TPO: variants seen among roughly 807,000 people sequenced by gnomAD.
The protein encoded by TPO is thyroid peroxidase, also known as thyroid microsomal antigen.
Under a neutral mutation model 96.9 loss-of-function variants are expected in TPO, and 78 were observed. The observed-to-expected ratio is 0.81, with a 90% CI of 0.67 to 0.97. The LOEUF is 0.97. TPO is among the 50% of genes least tolerant of loss of function. The pLI is 0.00. For synonymous variants in TPO, 547 were observed against 538.0 expected, an observed-to-expected ratio of 1.02 and a Z score of -0.23; for missense variants, 1,252 against 1,274.8, an observed-to-expected ratio of 0.98 and a Z score of 0.27.
At chr2:1,523,096 A>G (rs979154952) in intron 15 of TPO, among the ~76,000 whole-genome samples, 2 of 139,482 alleles carry the variant, frequency 1.4e-5, no homozygotes, top group Non-Finnish European at 3.1e-5. Context: ...AACCTCCCCA[A>G]ATCCTGCGCA....
intron 15 of TPO, among the ~76,000 whole-genome samples, chr2:1,522,578 G>A (rs1675433246): frequency 6.6e-6 from 1 of 152,020 alleles, no homozygotes; most frequent in Non-Finnish European, 1.5e-5. Flanking sequence ...ACCGTGTGAT[G>A]CCCAGCCATT....
chr2:1,460,071 G>A (rs1393261092), intron 7 of TPO, among the ~76,000 whole-genome samples: 1 of 152,088 alleles, frequency 6.6e-6, no homozygotes, highest in Non-Finnish European at 1.5e-5. Flanking sequence ...GAGTAGCTGG[G>A]ACTACAGGCA....
At chr2:1,382,728 A>G (rs1271186880) in intron 1 of TPO, among the ~76,000 whole-genome samples, 1 of 151,976 alleles carries the variant, frequency 6.6e-6, no homozygotes, top group Non-Finnish European at 1.5e-5. Context: ...TTTTTTTAAT[A>G]TATATATTTT....
At chr2:1,483,601 A>C (rs1299493705) in intron 8 of TPO, among the ~76,000 whole-genome samples, 1 of 152,226 alleles carries the variant, frequency 6.6e-6, no homozygotes, top group Non-Finnish European at 1.5e-5. Context: ...TGCACGATGA[A>C]GTCGTGCAAC....
chr2:1,382,240 G>A (rs918803801), intron 1 of TPO, among the ~76,000 whole-genome samples: 2 of 152,114 alleles, frequency 1.3e-5, no homozygotes, highest in East Asian at 1.9e-4. Context: ...TGGCTTCTGC[G>A]GCAAACAGCT....
At chr2:1,524,127 A>ACTCTGTGCAACCTCCCCAAATC (rs1675850700) in intron 15 of TPO, among the ~76,000 whole-genome samples, 1 of 27,750 alleles carries the variant, frequency 3.6e-5, no homozygotes, top group Non-Finnish European at 7.4e-5. Context: ...CTCCCCAAAT[A>ACTCTGTGCAACCTCCCCAAATC]CCCCCAACTC....
intron 15 of TPO, among the ~76,000 whole-genome samples, chr2:1,526,686 A>T (rs1676583669): frequency 1.5e-5 from 1 of 68,036 alleles, no homozygotes; most frequent in African/African-American, 6.5e-5. Flanking sequence ...ATCCTCCCCA[A>T]ATCCCCCCCC....
intron 7 of TPO, among the ~76,000 whole-genome samples, chr2:1,475,629 T>C (rs544546101): frequency 6.6e-6 from 1 of 152,184 alleles, no homozygotes; most frequent in Admixed American, 6.5e-5. Flanking sequence ...TTCACTGTGT[T>C]AGCCAGGATG....
At chr2:1,425,597 T>C (rs1664283100) in intron 3 of TPO, among the ~76,000 whole-genome samples, 2 of 152,206 alleles carry the variant, frequency 1.3e-5, no homozygotes, top group Admixed American at 6.5e-5. Context: ...GCAGTCATTG[T>C]TCTAGATGCC....
At chr2:1,461,049 G>A (rs1373802033) in intron 7 of TPO, among the ~76,000 whole-genome samples, 1 of 152,192 alleles carries the variant, frequency 6.6e-6, no homozygotes, top group Non-Finnish European at 1.5e-5. Flanking sequence ...AGACAGGTGG[G>A]ACAGTTGGGG....
intron 9 of TPO, among the ~76,000 whole-genome samples, chr2:1,485,292 A>C (rs1671050234): frequency 6.6e-6 from 1 of 152,018 alleles, no homozygotes; most frequent in African/African-American, 2.4e-5. Context: ...CATTTTCTTA[A>C]TCCAGTCTAG....
chr2:1,520,184 G>T (rs1675104150), intron 15 of TPO, among the ~76,000 whole-genome samples: 1 of 152,222 alleles, frequency 6.6e-6, no homozygotes, highest in Middle Eastern at 3.4e-3. Flanking sequence ...AGCTCAGAAG[G>T]TCAAGTCACT....
chr2:1,389,195 A>G (rs1264699988), intron 1 of TPO, among the ~76,000 whole-genome samples: 1 of 152,140 alleles, frequency 6.6e-6, no homozygotes, highest in East Asian at 1.9e-4. Flanking sequence ...ATGAGGAGAC[A>G]GTGGTGCCAC....
At chr2:1,374,403 G>A (rs1056974143) in intron 1 of TPO, 3 of 152,226 alleles carry the variant, frequency 2.0e-5, no homozygotes, top group African/African-American at 4.8e-5. Context: ...CGTCCACCTG[G>A]TAGGATCTCT....
chr2:1,438,989 C>T (rs1665889879), intron 5 of TPO: 3 of 610,512 alleles, frequency 4.9e-6, no homozygotes, highest in Non-Finnish European at 9.0e-6. Flanking sequence ...AGAGCCTGAA[C>T]CTTTCTTTGG....
chr2:1,453,545 G>T lies in TPO; in HGVS notation c.483-149G>T. On this transcript the variant is annotated intron_variant, in intron 5 of 16. Transcript: ENST00000329066. ...CAGTCATGACCTGGGCCTCCAGGAG[G>T]CCTTTCGGGTCTTCTGGGGAGCTGT... is the stretch of plus-strand genomic sequence containing the variant. The T allele has an allele frequency of 8.1e-6, 10 of 1,227,868 alleles. No homozygotes were observed. In the South Asian group the frequency reaches 1.1e-4, roughly 14 times the overall value. The allele number at this position is 1,227,868 out of a possible 1,614,324, so 76.1% of individuals were successfully genotyped here. A position where few individuals can be genotyped will look rare whatever the true frequency, so the allele number is the denominator to read the frequency against.
intron 5 of TPO, among the ~76,000 whole-genome samples, chr2:1,449,659 C>G (rs1056468841): frequency 1.3e-5 from 2 of 151,960 alleles, no homozygotes; most frequent in Admixed American, 1.3e-4. Context: ...CAGAAAATAC[C>G]TTTGACGTCA....
chr2:1,378,473 G>A (rs1166945032), intron 1 of TPO, among the ~76,000 whole-genome samples: 5 of 152,214 alleles, frequency 3.3e-5, no homozygotes, highest in African/African-American at 4.8e-5. Flanking sequence ...GCCTGTTACC[G>A]ATGGCTCAGA....
chr2:1,496,079 T>C lies in TPO; in HGVS notation c.2097T>C (p.Thr699=), dbSNP rs1206109460. 2 of 1,614,062 alleles carry C rather than the reference T, an allele frequency of 1.2e-6. No individual in the cohort carries two copies. The highest frequency in any genetic ancestry group is 2.2e-5 in the East Asian group (1 of 44,866). Residue 699 remains threonine, a synonymous_variant, in exon 12 of 17, where the codon ACT becomes ACC. Coordinates refer to ENST00000329066, the MANE Select transcript of TPO (RefSeq NM_001206744.2). ...HSLSRVICDN[T]GLTRVPMDAF... ...TGTCTCGGGTCATCTGTGACAACACTGGCCTCACCAGGGTGCCCATGGATG... is the reference window on the plus strand; with the variant it reads ...TGTCTCGGGTCATCTGTGACAACACCGGCCTCACCAGGGTGCCCATGGATG...
Sources: allele counts gnomAD v4.1 joint callset (sites outside exome capture counted in the v4.1 genomes callset), GRCh38; gene constraint gnomAD v4.1.1; transcripts MANE v1.5; gene names NCBI Gene and HGNC (gene_info 2026-07-23, HGNC 2026-07-21).